PPP1R15A: variants seen among roughly 807,000 people sequenced by gnomAD.
The protein encoded by PPP1R15A is growth arrest and DNA damage-inducible protein GADD34.
A neutral mutation model predicts 48.5 loss-of-function variants in PPP1R15A; 43 were observed. The ratio of observed to expected loss-of-function variants is 0.89; its 90% confidence interval spans 0.69 to 1.14. The LOEUF is 1.14. Among genes scored for constraint, PPP1R15A ranks in the 50% most tolerant of loss-of-function variants. The pLI is 0.00. For missense variants in PPP1R15A, 868 were observed against 847.2 expected, an observed-to-expected ratio of 1.02 and a Z score of -0.30; for synonymous variants, 327 against 327.4, an observed-to-expected ratio of 1.00 and a Z score of 0.01.
At position 48,874,416 on chromosome 19, in the gene PPP1R15A, G is replaced by A. The variant is rs1420137694; in HGVS notation, c.1183G>A (p.Glu395Lys). The change falls in exon 2 of 3, where the codon GAG becomes AAG. Residue 395 changes from glutamate to lysine, a missense_variant. Glu to Lys is a moderately conservative substitution (Grantham distance 56). Coordinates refer to ENST00000200453, the MANE Select transcript of PPP1R15A (RefSeq NM_014330.5). ...GAAGTCCTGGGTCTATCAGCCAGGA[G>A]AGGACACAGAGGAGGAGGAAGATGA... ...FLKSWVYQPG[E>K]DTEEEEDEDS... 1 of 1,614,158 alleles carries A rather than the reference G, an allele frequency of 6.2e-7. No homozygotes were observed. The highest frequency in any genetic ancestry group is 1.1e-5 in the South Asian group (1 of 91,080).
rs775776988 is a variant in PPP1R15A at position 48,874,050 on chromosome 19, GA to G, written c.821del (p.Lys274ArgfsTer66). ...AGGAGAGGCGTCCGAGGAGAAGGAG[GA>G]AAAGGCACACAAAGAAACTGGGAAA... ...RSGEASEEKE[E>X]KAHKETGKGE... On this transcript the variant is annotated frameshift_variant, in exon 2 of 3. Coordinates refer to ENST00000200453, the MANE Select transcript of PPP1R15A (RefSeq NM_014330.5). LOFTEE classifies it high-confidence loss of function. The G allele has an allele frequency of 1.2e-5, 19 of 1,614,094 alleles. No individual in the cohort carries two copies. The highest frequency in any genetic ancestry group is 1.1e-4 in the East Asian group (5 of 44,892).
Position 48,873,488 on chromosome 19 carries a change from C to T in PPP1R15A, c.255C>T (p.Asp85=), listed in dbSNP as rs2037035304. 3.1e-6 allele frequency: 5 copies of T among 1,614,018 alleles called. No homozygotes were observed. Among genetic ancestry groups the T allele is most frequent in the Non-Finnish European group, 4.2e-6 (5 of 1,179,992 alleles). ...GACGCCCTGAAGAGGAGGCTGAAGA[C>T]AGTGGAGGCCCTGGAGAGGACAGAG... is the stretch of plus-strand genomic sequence containing the variant. The part of the protein sequence containing the change: ...WGRRPEEEAE[D]SGGPGEDRET... Residue 85 remains aspartate, a synonymous_variant, in exon 2 of 3, where the codon GAC becomes GAT. Transcript: ENST00000200453.
At position 48,874,663 on chromosome 19, in the gene PPP1R15A, C is replaced by T; in HGVS notation, c.1430C>T (p.Ala477Val). ...CATCCCTCCCACCCGGACCAGAGGG[C>T]CCACTTCAGGGGCTGGGGATATCGA... ...DPHPSHPDQRAHFRGWGYRPG... is the reference protein window; with the variant it reads ...DPHPSHPDQRVHFRGWGYRPG... Residue 477 changes from alanine to valine, a missense_variant, in exon 2 of 3, where the codon GCC (alanine) becomes GTC (valine). Coordinates refer to ENST00000200453, the MANE Select transcript of PPP1R15A (RefSeq NM_014330.5). 1 of 1,613,810 alleles carries T rather than the reference C, an allele frequency of 6.2e-7. No individual in the cohort carries two copies. Among genetic ancestry groups the T allele is most frequent in the Non-Finnish European group, 8.5e-7 (1 of 1,179,796 alleles).
In PPP1R15A at chr19:48,874,843, G is replaced by A. The variant is rs769169927; in HGVS notation, c.1610G>A (p.Arg537His). 8.7e-6 allele frequency: 14 copies of A among 1,610,768 alleles called. 1 individual carries two copies. In the Admixed American group the frequency reaches 1.2e-4, roughly 14 times the overall value. The change falls in exon 2 of 3, where the codon CGC (arginine) becomes CAC (histidine). Residue 537 changes from arginine to histidine, a missense_variant. Transcript: ENST00000200453. Reference sequence around the variant, plus strand: ...CTCCGACTGCAAAGGCGGCTCAAGCGCCCAGAAACCCCTACTCATGATCCG... The same window carrying A: ...CTCCGACTGCAAAGGCGGCTCAAGCACCCAGAAACCCCTACTCATGATCCG... ...LPLRLQRRLKRPETPTHDPDP... is the reference protein window; with the variant it reads ...LPLRLQRRLKHPETPTHDPDP...
rs144656026 is a variant in PPP1R15A, at chr19:48,874,262, G to A, written c.1029G>A (p.Val343=). The A allele has an allele frequency of 1.6e-4, 263 of 1,614,196 alleles. No homozygotes were observed. In the African/African-American group the frequency reaches 3.0e-3, roughly 18 times the overall value. ...CAAGTGCCTTCCTGAAGGCCTGGGTGTATTGGCCAGGAGAGGACACAGAGG... is the reference window on the plus strand; with the variant it reads ...CAAGTGCCTTCCTGAAGGCCTGGGTATATTGGCCAGGAGAGGACACAGAGG... ...PPPSAFLKAW[V]YWPGEDTEEE... Residue 343 remains valine (V), a synonymous_variant, in exon 2 of 3, where the codon GTG becomes GTA. Transcript: ENST00000200453.
At position 48,874,169 on chromosome 19, in the gene PPP1R15A, T is replaced by C. The variant is rs1353137957; in HGVS notation, c.936T>C (p.Gly312=). ...WWCQPSDEEE[G]EVKALGAAEK... ...GCCAACCCAGTGATGAAGAGGAGGG[T>C]GAGGTCAAGGCTTTGGGGGCAGCTG... Residue 312 remains glycine (G), a synonymous_variant, in exon 2 of 3, where the codon GGT becomes GGC. Coordinates refer to ENST00000200453, the MANE Select transcript of PPP1R15A (RefSeq NM_014330.5). The C allele has an allele frequency of 1.9e-6, 3 of 1,613,840 alleles. No individual in the cohort carries two copies. Among genetic ancestry groups the C allele is most frequent in the Middle Eastern group, 1.7e-4 (1 of 6,060 alleles).
In PPP1R15A at chr19:48,874,806, C is replaced by A; in HGVS notation, c.1573C>A (p.Pro525Thr). Residue 525 changes from proline (P) to threonine (T), a missense_variant, in exon 2 of 3, where the codon CCT becomes ACT. Transcript: ENST00000200453. ...GAAGCCACCGCCTCCCTGGGCTCCT[C>A]CTAGGCTGCCCCTCCGACTGCAAAG... is the stretch of plus-strand genomic sequence containing the variant. ...GEKPPPPWAP[P>T]RLPLRLQRRL... 1 of 1,613,786 alleles carries A rather than the reference C, an allele frequency of 6.2e-7. No individual in the cohort carries two copies. The highest frequency in any genetic ancestry group is 8.5e-7 in the Non-Finnish European group (1 of 1,179,928).
Position 48,875,956 on chromosome 19 carries a change from A to G in PPP1R15A, c.2008A>G (p.Ser670Gly). 1 of 1,587,768 alleles carries G rather than the reference A, an allele frequency of 6.3e-7. No homozygotes were observed. Among genetic ancestry groups the G allele is most frequent in the Non-Finnish European group, 8.6e-7 (1 of 1,163,418 alleles). The change falls in exon 3 of 3, where the codon AGT becomes GGT. Residue 670 changes from serine to glycine, a missense_variant. Physicochemically the swap from Ser to Gly is moderately conservative, Grantham distance 56 (BLOSUM62 0). Coordinates refer to ENST00000200453, the MANE Select transcript of PPP1R15A (RefSeq NM_014330.5). ...SAAAAAALDL[S>G]GRRG Reference sequence around the variant, plus strand: ...TGCTGCAGCGGCTGCCCTGGACCTCAGTGGGAGGCGTGGCTGAGACCAACT... The same window carrying G: ...TGCTGCAGCGGCTGCCCTGGACCTCGGTGGGAGGCGTGGCTGAGACCAACT...
chr19:48,875,344 T>C, intron 2 of PPP1R15A: 1 of 532,228 alleles, frequency 1.9e-6, no homozygotes, highest in South Asian at 2.6e-5. Flanking sequence ...CTGTGTACGC[T>C]GTCACGCAAT....
At position 48,874,884 on chromosome 19, in the gene PPP1R15A, C is replaced by T; in HGVS notation, c.1651C>T (p.Leu551=). The change falls in exon 2 of 3, where the codon CTA becomes TTA. Residue 551 remains leucine (L), a synonymous_variant. Transcript: ENST00000200453. ...TCATGATCCGGACCCTGAGACTCCC[C>T]TAAAGGCCAGAAAGGTAGGTGCTGA... The part of the protein sequence containing the change: ...PTHDPDPETP[L]KARKVRFSEK... 1 of 1,566,712 alleles carries T rather than the reference C, an allele frequency of 6.4e-7. No homozygotes were observed. Among genetic ancestry groups the T allele is most frequent in the Non-Finnish European group, 8.6e-7 (1 of 1,162,288 alleles).
In PPP1R15A at chr19:48,874,024, C is replaced by G. The variant is rs143444771; in HGVS notation, c.791C>G (p.Ser264Ter). 2 of 1,614,022 alleles carry G rather than the reference C, an allele frequency of 1.2e-6. No individual in the cohort carries two copies. The highest frequency in any genetic ancestry group is 1.7e-5 in the Admixed American group (1 of 59,996). The change falls in exon 2 of 3, where the codon TCA becomes TGA. Residue 264 changes from serine (S) to a stop codon, truncating the protein, a stop_gained. Coordinates refer to ENST00000200453, the MANE Select transcript of PPP1R15A (RefSeq NM_014330.5). LOFTEE classifies it high-confidence loss of function. The part of the protein sequence containing the change: ...GSDPRSWEYR[S>*]GEASEEKEEK... ...GACCCCAGGTCCTGGGAGTATCGTT[C>G]AGGAGAGGCGTCCGAGGAGAAGGAG...
intron 2 of PPP1R15A, chr19:48,875,394 G>T: frequency 3.1e-6 from 2 of 641,632 alleles, no homozygotes; most frequent in East Asian, 2.8e-5. Flanking sequence ...GGAGGGAGCA[G>T]CTGTGGCTCA....
Position 48,875,057 on chromosome 19 carries a change from T to C in PPP1R15A, c.1665+159T>C, listed in dbSNP as rs2037064514. ...TTCTCGTGCCTCAGCCTCCAGAGTA[T>C]CTGGGATTACAGGCGCATGACACCA... On this transcript the variant is annotated intron_variant, in intron 2 of 2. Transcript: ENST00000200453. 3.3e-6 allele frequency: 3 copies of C among 901,514 alleles called. No individual in the cohort carries two copies. In the South Asian group the frequency reaches 7.4e-5, roughly 22 times the overall value. The allele number at this position is 901,514 out of a possible 1,614,324, so 55.8% of individuals were successfully genotyped here. A position where few individuals can be genotyped will look rare whatever the true frequency, so the allele number is the denominator to read the frequency against.
In PPP1R15A at chr19:48,875,894, T is replaced by G. The variant is rs2037077613; in HGVS notation, c.1946T>G (p.Leu649Trp). The part of the protein sequence containing the change: ...VPSSPVQTTP[L>W]SQAVATPSRS... ...TCGTCCCCAGTCCAGACCACGCCCTTGAGCCAAGCTGTGGCCACACCTTCC... is the reference window on the plus strand; with the variant it reads ...TCGTCCCCAGTCCAGACCACGCCCTGGAGCCAAGCTGTGGCCACACCTTCC... Residue 649 changes from leucine (L) to tryptophan (W), a missense_variant, in exon 3 of 3, where the codon TTG (leucine) becomes TGG (tryptophan). Physicochemically the swap from Leu to Trp is moderately conservative, Grantham distance 61. Transcript: ENST00000200453. The G allele has an allele frequency of 6.2e-7, 1 of 1,613,960 alleles. No individual in the cohort carries two copies.
rs1292413587 is a variant in PPP1R15A, at chr19:48,874,587, G to C, written c.1354G>C (p.Asp452His). 2 of 1,614,086 alleles carry C rather than the reference G, an allele frequency of 1.2e-6. No homozygotes were observed. The highest frequency in any genetic ancestry group is 1.7e-5 in the Admixed American group (1 of 60,002). ...EEEDEDVDSE[D>H]KEDDSEAALG... ...GGAAGATGAGGATGTGGATAGTGAG[G>C]ATAAGGAAGATGATTCAGAAGCAGC... Residue 452 changes from aspartate to histidine, a missense_variant, in exon 2 of 3, where the codon GAT becomes CAT. Physicochemically the swap from Asp to His is moderately conservative, Grantham distance 81. Coordinates refer to ENST00000200453, the MANE Select transcript of PPP1R15A (RefSeq NM_014330.5).
In PPP1R15A at chr19:48,874,369, C is replaced by T; in HGVS notation, c.1136C>T (p.Thr379Ile). Residue 379 changes from threonine to isoleucine, a missense_variant, in exon 2 of 3, where the codon ACT (threonine) becomes ATT (isoleucine). Thr to Ile is a moderately conservative substitution (Grantham distance 89). Transcript: ENST00000200453. The stretch of plus-strand genomic sequence containing the variant: ...GGAGAAGCTGAGGCTTCCTCTTCCA[C>T]TCCTGCTACAGGTGTCTTCTTGAAG... ...EEGEAEASSS[T>I]PATGVFLKSW... 1 of 1,613,700 alleles carries T rather than the reference C, an allele frequency of 6.2e-7. No homozygotes were observed. The highest frequency in any genetic ancestry group is 8.5e-7 in the Non-Finnish European group (1 of 1,179,926).
chr19:48,875,523 G>GT (rs2037070795), intron 2 of PPP1R15A, 91 bp from the exon 3 acceptor site: 1 of 1,458,794 alleles, frequency 6.9e-7, no homozygotes, highest in South Asian at 1.4e-5. Flanking sequence ...ACTAATTTTT[G>GT]TTTGCTTCTC....
rs138608463 is a variant in PPP1R15A, at chr19:48,874,130, C to G, written c.897C>G (p.Leu299=). The G allele has an allele frequency of 8.7e-6, 14 of 1,614,034 alleles. No homozygotes were observed. Among genetic ancestry groups the G allele is most frequent in the African/African-American group, 1.3e-5 (1 of 74,900 alleles). Residue 299 remains leucine (L), a synonymous_variant, in exon 2 of 3, where the codon CTC becomes CTG. Transcript: ENST00000200453. ...QSSAPAQRPQ[L]KSWWCQPSDE... ...CAGCCCCAGCCCAGAGGCCCCAGCT[C>G]AAGTCCTGGTGGTGCCAACCCAGTG...
chr19:48,875,229 C>G (rs532521288), intron 2 of PPP1R15A: 1 of 330,246 alleles, frequency 3.0e-6, no homozygotes, highest in South Asian at 6.1e-5. Context: ...CCACATCTGG[C>G]TGAGAGCCCA....
Sources: allele counts gnomAD v4.1 joint callset, GRCh38; gene constraint gnomAD v4.1.1; transcripts MANE v1.5; gene names NCBI Gene and HGNC (gene_info 2026-07-23, HGNC 2026-07-21).